Variants in MGAM observed in about 807,000 individuals in gnomAD.
MGAM encodes alpha-1,4-glucosidase.
MGAM carries 253 observed loss-of-function variants against 358.8 expected under a neutral mutation model. That is an observed-to-expected ratio of 0.71 (90% CI 0.64 to 0.78). The LOEUF is 0.78. Among genes scored for constraint, MGAM ranks in the 30% least tolerant of loss-of-function variants. The pLI, the probability that MGAM is intolerant of heterozygous loss-of-function variation, is 0.00. For synonymous variants in MGAM, 1,105 were observed against 1,227.1 expected (o/e 0.90, Z 2.08); for missense variants, 3,080 against 3,432.6 (o/e 0.90, Z 2.57).
chr7:142,094,413 A>G lies in MGAM; in HGVS notation c.7222A>G (p.Thr2408Ala), dbSNP rs1390142410. Residue 2408 changes from threonine (T) to alanine (A), a missense_variant, in exon 61 of 71, where the codon ACA (threonine) becomes GCA (alanine). Coordinates refer to ENST00000475668, the MANE Select transcript of MGAM (RefSeq NM_001365693.1). ...GCGAGGGGTCGTCATCACCCGCTCC[A>G]CATTTCCCTCTTCTGGCCGCTGGGC... ...GQRGVVITRS[T>A]FPSSGRWAGH... 1.3e-6 allele frequency: 2 copies of G among 1,534,968 alleles called. No homozygotes were observed. Among genetic ancestry groups the G allele is most frequent in the Admixed American group, 3.6e-5 (2 of 55,558 alleles).
At chr7:142,063,613 G>A in intron 36 of MGAM, 27 bp downstream of exon 36, 1 of 1,607,126 alleles carries the variant, frequency 6.2e-7, no homozygotes. Context: ...TCCTTGACTG[G>A]CAGAGCCATG....
In MGAM at chr7:142,081,551, G is replaced by A. The variant is rs1193460851; in HGVS notation, c.6003-491G>A. ...GAAGTCTAGTGTGGTTGGAGCAATG[G>A]AGGAAGTAAGCAGGTGAGTGCTGGG... On this transcript the variant is annotated intron_variant, in intron 50 of 70. Coordinates refer to ENST00000475668, the MANE Select transcript of MGAM (RefSeq NM_001365693.1). 6.9e-5 allele frequency among the ~76,000 whole-genome samples: 10 copies of A among 145,898 alleles called. 2 individuals carry two copies. The highest frequency in any genetic ancestry group is 2.8e-4 in the Admixed American group (4 of 14,508).
At chr7:142,066,424 G>A in intron 40 of MGAM, 149 bp from the exon 41 acceptor site, 2 of 965,160 alleles carry the variant, frequency 2.1e-6, no homozygotes, top group Non-Finnish European at 3.0e-6. Flanking sequence ...ACTCTTTCCG[G>A]TCTATTAAGA....
intron 30 of MGAM, among the ~76,000 whole-genome samples, chr7:142,057,590 A>T (rs903735063): frequency 3.7e-5 from 5 of 136,448 alleles, no homozygotes; most frequent in African/African-American, 1.4e-4. Context: ...AAGGGTAATG[A>T]TAATGGTAAT....
At chr7:142,086,844 G>A (rs376776643) in intron 57 of MGAM, 127 bp downstream of exon 57, 2 of 437,752 alleles carry the variant, frequency 4.6e-6, no homozygotes, top group African/African-American at 3.1e-5. Flanking sequence ...GGGCATGTGT[G>A]TTGGATGTCA....
Position 142,088,191 on chromosome 7 carries a change from G to A in MGAM, c.6810+1474G>A, listed in dbSNP as rs1427513646. ...AGTCTCTGGCCTCCTGGATCCCAGA[G>A]CCAGTTGGCAGCAGTAGCACTATTG... On this transcript the variant is annotated intron_variant, in intron 57 of 70. Coordinates refer to ENST00000475668, the MANE Select transcript of MGAM (RefSeq NM_001365693.1). 1.4e-5 allele frequency among the ~76,000 whole-genome samples: 2 copies of A among 146,216 alleles called. 1 individual carries two copies. Among genetic ancestry groups the A allele is most frequent in the Non-Finnish European group, 3.1e-5 (2 of 64,572 alleles).
At chr7:141,989,507 T>C (rs1554446861) in intron 2 of MGAM, among the ~76,000 whole-genome samples, 1 of 152,072 alleles carries the variant, frequency 6.6e-6, no homozygotes, top group African/African-American at 2.4e-5. Context: ...GGACCTCATA[T>C]TTAAGCCCAG....
At chr7:142,038,743 T>C (rs189048236) in intron 19 of MGAM, 128 bp downstream of exon 19, 166 of 602,932 alleles carry the variant, frequency 2.8e-4, no homozygotes, top group African/African-American at 2.7e-3. Context: ...GAAGAGAGTG[T>C]GCTAGGTTTT....
At chr7:142,048,099 A>G (rs1279476289) in intron 22 of MGAM, among the ~76,000 whole-genome samples, 1 of 151,690 alleles carries the variant, frequency 6.6e-6, no homozygotes, top group Non-Finnish European at 1.5e-5. Context: ...TTGGACAGTG[A>G]TATCTATAAT....
chr7:142,063,618 G>A (rs1184887558), intron 36 of MGAM, 32 bp downstream of exon 36: 9 of 1,605,050 alleles, frequency 5.6e-6, no homozygotes, highest in South Asian at 2.2e-5. Context: ...GACTGGCAGA[G>A]CCATGACTGG....
At chr7:142,070,834 G>T (rs1813281632) in intron 43 of MGAM, among the ~76,000 whole-genome samples, 160 bp from the exon 44 acceptor site, 1 of 146,428 alleles carries the variant, frequency 6.8e-6, no homozygotes, top group African/African-American at 2.4e-5. Context: ...GAGGTTTTAT[G>T]CAGCACTGTG....
chr7:142,074,204 C>A, intron 45 of MGAM, 31 bp downstream of exon 45: 1 of 1,395,212 alleles, frequency 7.2e-7, no homozygotes, highest in Non-Finnish European at 1.0e-6. Context: ...GTTGCTGTTT[C>A]CCAACCTGCG....
At chr7:142,096,922 C>A (rs1815965300) in intron 65 of MGAM, among the ~76,000 whole-genome samples, 1 of 105,870 alleles carries the variant, frequency 9.4e-6, no homozygotes, top group South Asian at 3.8e-4. Flanking sequence ...TTGCACCTTC[C>A]CAAAATCTTT....
intron 26 of MGAM, among the ~76,000 whole-genome samples, chr7:142,054,242 AT>A (rs1811278852): frequency 6.6e-6 from 1 of 152,180 alleles, no homozygotes; most frequent in Non-Finnish European, 1.5e-5. Context: ...TCGCATGTGA[AT>A]TTCGTAAAAC....
In MGAM at chr7:142,094,344, T is replaced by G. The variant is rs770717356; in HGVS notation, c.7173-20T>G. The G allele has an allele frequency of 2.7e-6, 4 of 1,505,422 alleles. No homozygotes were observed. Among genetic ancestry groups the G allele is most frequent in the Non-Finnish European group, 3.6e-6 (4 of 1,107,436 alleles). The allele number at this position is 1,505,422 out of a possible 1,614,324, so 93.3% of individuals were successfully genotyped here. On this transcript the variant is annotated intron_variant, in intron 60 of 70. Coordinates refer to ENST00000475668, the MANE Select transcript of MGAM (RefSeq NM_001365693.1). ...TTCCTGGCGGTGCCCTCAGTTCACC[T>G]CCTTTTCCCCTCCAACCAGAGCCGT...
rs756605409 is a variant in MGAM at position 142,082,014 on chromosome 7, G to A, written c.6003-28G>A. ...AAGCAGAGAGAAAAGCCCATTTTCT[G>A]TTTCAAATCTGCCTTTTTGTGTTTC... On this transcript the variant is annotated intron_variant, in intron 50 of 70. Coordinates refer to ENST00000475668, the MANE Select transcript of MGAM (RefSeq NM_001365693.1). 145 of 1,549,238 alleles carry A rather than the reference G, an allele frequency of 9.4e-5. 23 individuals carry two copies. Among genetic ancestry groups the A allele is most frequent in the Non-Finnish European group, 1.2e-4 (141 of 1,128,110 alleles).
Position 142,097,619 on chromosome 7 carries a change from C to T in MGAM, c.7719C>T (p.Phe2573=), listed in dbSNP as rs767978359. 6 of 1,612,608 alleles carry T rather than the reference C, an allele frequency of 3.7e-6. No homozygotes were observed. The highest frequency in any genetic ancestry group is 2.2e-5 in the South Asian group (2 of 91,054). ...ATGCCAGAAATGTCACTGCATATTT[C>T]CCTAGAGCCCGCTGGTATGATTACT... is the stretch of plus-strand genomic sequence containing the variant. ...ERNARNVTAY[F]PRARWYDYYT... Residue 2573 remains phenylalanine, a synonymous_variant, in exon 66 of 71, where the codon TTC becomes TTT. Coordinates refer to ENST00000475668, the MANE Select transcript of MGAM (RefSeq NM_001365693.1).
chr7:142,019,166 A>C (rs782246538), intron 3 of MGAM, 33 bp from the exon 4 acceptor site: 1 of 1,606,526 alleles, frequency 6.2e-7, no homozygotes, highest in Admixed American at 1.7e-5. Flanking sequence ...TCTACAACTA[A>C]ATGGAGCTTC....
chr7:142,041,937 ATTATAT>A (rs1808690208), intron 21 of MGAM, among the ~76,000 whole-genome samples: 1 of 60,650 alleles, frequency 1.6e-5, no homozygotes, highest in Non-Finnish European at 2.6e-5. Flanking sequence ...TAATATATAT[ATTATAT>A]ATATACATAT....
Sources: gnomAD v4.1 joint callset for allele counts (sites outside exome capture counted in the v4.1 genomes callset) on GRCh38, gnomAD v4.1.1 for gene constraint, MANE v1.5 for transcripts, NCBI Gene and HGNC (gene_info 2026-07-23, HGNC 2026-07-21) for gene names.